ASRGL1: variants seen among roughly 807,000 people sequenced by gnomAD.
ASRGL1 encodes the protein asparaginase and isoaspartyl peptidase 1, also known as isoaspartyl peptidase/L-asparaginase.
In ASRGL1, 16 loss-of-function variants were observed where a neutral mutation model predicts 22.4. The observed-to-expected ratio is 0.71, with a 90% confidence interval of 0.48 to 1.08. ASRGL1 has a LOEUF of 1.08. ASRGL1 is among the 50% of genes least tolerant of loss of function. The pLI is 0.00. For missense variants in ASRGL1, 412 were observed against 410.1 expected, an observed-to-expected ratio of 1.00 and a Z score of -0.04; for synonymous variants, 165 against 159.3, an observed-to-expected ratio of 1.04 and a Z score of -0.27.
At chr11:62,394,995 A>G (rs181046530), downstream of ASRGL1, among the ~76,000 whole-genome samples, 709 of 152,284 alleles carry the variant, frequency 4.7e-3, 6 homozygotes, top group Non-Finnish European at 7.3e-3. Flanking sequence ...TCTGTGCCAC[A>G]AGAGGGCAGC....
intron 2 of ASRGL1, among the ~76,000 whole-genome samples, chr11:62,350,563 A>G (rs1946144276): frequency 6.6e-6 from 1 of 152,222 alleles, no homozygotes; most frequent in South Asian, 2.1e-4. Flanking sequence ...TGGGAGGCCA[A>G]GGCAGATGGA....
In ASRGL1 at chr11:62,338,008, G is replaced by C. The variant is rs766321690; in HGVS notation, c.31G>C (p.Gly11Arg). 6 of 1,605,052 alleles carry C rather than the reference G, an allele frequency of 3.7e-6. No individual in the cohort carries two copies. The highest frequency in any genetic ancestry group is 5.1e-6 in the Non-Finnish European group (6 of 1,176,366). ...TCCCATCGTAGTGGTCCACGGCGGC[G>C]GAGCCGGTCCCATCTCCAAGGATCG... Reference protein sequence around the residue: MNPIVVVHGGGAGPISKDRKE... With the variant: MNPIVVVHGGRAGPISKDRKE... Residue 11 changes from glycine to arginine, a missense_variant, in exon 2 of 7, where the codon GGA becomes CGA. By Grantham distance (125) the Gly-to-Arg change is moderately radical (BLOSUM62 -2). Transcript: ENST00000415229.
At chr11:62,371,264 G>T in intron 4 of ASRGL1, 1 of 1,350,018 alleles carries the variant, frequency 7.4e-7, no homozygotes, top group South Asian at 1.5e-5. Flanking sequence ...CGCTGCAGTA[G>T]CAGCAGTGGT....
intron 4 of ASRGL1, chr11:62,371,272 G>A (rs930007405): frequency 1.1e-5 from 15 of 1,343,640 alleles, no homozygotes; most frequent in Non-Finnish European, 1.3e-5. Flanking sequence ...TAGCAGCAGT[G>A]GTGGCAGCAG....
intron 4 of ASRGL1, among the ~76,000 whole-genome samples, chr11:62,363,719 TTTG>T (rs1489037350): frequency 6.6e-6 from 1 of 152,152 alleles, no homozygotes; most frequent in African/African-American, 2.4e-5. Context: ...CTTTGAGAAT[TTTG>T]TTGGTAATTC....
intron 4 of ASRGL1, among the ~76,000 whole-genome samples, chr11:62,375,973 G>A (rs1376296727): frequency 1.3e-5 from 2 of 151,816 alleles, no homozygotes; most frequent in East Asian, 1.9e-4. Flanking sequence ...GTGGTGGCAC[G>A]CGCCTGTAAT....
intron 4 of ASRGL1, chr11:62,371,949 G>C (rs1418152531): frequency 1.9e-6 from 1 of 534,768 alleles, no homozygotes. Flanking sequence ...GCAAGACTCC[G>C]TCTCAAAAAA....
chr11:62,375,452 A>G (rs1195683226), intron 4 of ASRGL1, among the ~76,000 whole-genome samples: 1 of 76,150 alleles, frequency 1.3e-5, no homozygotes, highest in Admixed American at 1.3e-4. Flanking sequence ...ATATATATAT[A>G]TATATATATA....
chr11:62,366,892 T>G (rs1458596234), intron 4 of ASRGL1, among the ~76,000 whole-genome samples: 1 of 152,186 alleles, frequency 6.6e-6, no homozygotes, highest in Non-Finnish European at 1.5e-5. Context: ...TTGCTTTTGC[T>G]ATGGTATTTT....
intron 4 of ASRGL1, among the ~76,000 whole-genome samples, chr11:62,387,928 C>G (rs1343841193): frequency 6.6e-6 from 1 of 152,152 alleles, no homozygotes; most frequent in Non-Finnish European, 1.5e-5. Flanking sequence ...GTTACAGTCA[C>G]GCGTCTCATG....
intron 4 of ASRGL1, among the ~76,000 whole-genome samples, chr11:62,369,848 C>G (rs747514041): frequency 4.6e-5 from 7 of 152,158 alleles, no homozygotes; most frequent in Non-Finnish European, 1.0e-4. Context: ...GTATTCCAGT[C>G]ACACTGTAAC....
At chr11:62,359,305 G>A (rs1357769192) in intron 4 of ASRGL1, among the ~76,000 whole-genome samples, 12 of 152,066 alleles carry the variant, frequency 7.9e-5, no homozygotes, top group Admixed American at 7.9e-4. Context: ...AATCAGCCAG[G>A]CATGGTGGTG....
At chr11:62,357,254 G>GTTTTC in intron 4 of ASRGL1, 110 bp downstream of exon 4, 1 of 1,216,652 alleles carries the variant, frequency 8.2e-7, no homozygotes, top group East Asian at 2.6e-5. Context: ...GTTTTGTTTT[G>GTTTTC]TTTTGTTTTG....
Position 62,367,937 on chromosome 11 carries a change from G to A in ASRGL1, c.491+10793G>A, listed in dbSNP as rs540745136. ...AGCCTGGGCAACAGAGCGAGACTCC[G>A]TCTCAAAAATAAACAAATAAAAATA... On this transcript the variant is annotated intron_variant, in intron 4 of 6. Transcript: ENST00000415229. Among the ~76,000 whole-genome samples, 16 of 152,230 alleles carry A rather than the reference G, an allele frequency of 1.1e-4. No individual in the cohort carries two copies. In the South Asian group the frequency reaches 1.9e-3, roughly 18 times the overall value.
rs1565169632 is a variant in ASRGL1, at chr11:62,375,482, T to TA, written c.492-13651_492-13650insA. Among the ~76,000 whole-genome samples the TA allele has an allele frequency of 6.4e-3, 453 of 70,844 alleles. 38 individuals carry two copies. The highest frequency in any genetic ancestry group is 0.018 in the Middle Eastern group (2 of 114). 46.5% of individuals were successfully genotyped at this position (70,844 alleles called of 152,430 possible). On this transcript the variant is annotated intron_variant, in intron 4 of 6. Coordinates refer to ENST00000415229, the MANE Select transcript of ASRGL1 (RefSeq NM_001083926.2). ...TATATATATATATATATATATATAT[T>TA]TCTTGGAGTAAACATTTTAAATAAA...
intron 2 of ASRGL1, among the ~76,000 whole-genome samples, chr11:62,349,243 C>T (rs749107328): frequency 3.1e-4 from 47 of 152,146 alleles, no homozygotes; most frequent in Non-Finnish European, 3.1e-4. Flanking sequence ...CTGGGATTAC[C>T]GGCATGAGCC....
At chr11:62,370,238 G>C (rs1011170734) in intron 4 of ASRGL1, among the ~76,000 whole-genome samples, 1 of 152,172 alleles carries the variant, frequency 6.6e-6, no homozygotes, top group Non-Finnish European at 1.5e-5. Context: ...AGAATATGGT[G>C]TTGCCAATTA....
At chr11:62,342,200 G>T (rs1222903491) in intron 2 of ASRGL1, among the ~76,000 whole-genome samples, 7 of 152,214 alleles carry the variant, frequency 4.6e-5, no homozygotes, top group African/African-American at 1.7e-4. Context: ...GAGAACAAAG[G>T]AAGGAGGAAG....
At chr11:62,383,946 T>C (rs1442217078) in intron 4 of ASRGL1, among the ~76,000 whole-genome samples, 1 of 144,138 alleles carries the variant, frequency 6.9e-6, no homozygotes, top group Non-Finnish European at 1.5e-5. Context: ...CTCCCTGGAA[T>C]GAAGCCAAGA....
Sources: allele counts gnomAD v4.1 joint callset (sites outside exome capture counted in the v4.1 genomes callset), GRCh38; gene constraint gnomAD v4.1.1; transcripts MANE v1.5; gene names NCBI Gene and HGNC (gene_info 2026-07-23, HGNC 2026-07-21).